Variants in CCDC141 observed in about 807,000 individuals in gnomAD.
The protein encoded by CCDC141 is coiled-coil domain-containing protein 141.
In CCDC141, 168 loss-of-function variants were observed where a neutral mutation model predicts 181.0. That is an observed-to-expected ratio of 0.93 (90% CI 0.82 to 1.05). The LOEUF (loss-of-function observed/expected upper bound fraction) is 1.05, where lower values mean the gene tolerates loss of function less well. Ranked by LOEUF, CCDC141 falls within the 50% of genes least tolerant of loss-of-function variation. The pLI is 0.00. For synonymous variants in CCDC141, 666 were observed against 642.3 expected (o/e 1.04, Z -0.56); for missense variants, 1,902 against 1,788.5 (o/e 1.06, Z -1.14).
In CCDC141 at chr2:178,853,430, A is replaced by C; in HGVS notation, c.3244+11T>G. 1 of 1,612,250 alleles carries C rather than the reference A, an allele frequency of 6.2e-7. No homozygotes were observed. The highest frequency in any genetic ancestry group is 8.5e-7 in the Non-Finnish European group (1 of 1,179,016). ...ATGGCCAATCACTGGATATCTTAAA[A>C]GAGATCTCACCATATAAGTGCTGAG... On this transcript the variant is annotated intron_variant, in intron 20 of 23. Coordinates refer to ENST00000443758, the MANE Select transcript of CCDC141 (RefSeq NM_173648.4).
At chr2:178,941,591 T>C (rs1689512889) in intron 6 of CCDC141, among the ~76,000 whole-genome samples, 2 of 151,974 alleles carry the variant, frequency 1.3e-5, no homozygotes, top group African/African-American at 4.8e-5. Flanking sequence ...AAATCTTACA[T>C]TGGAAAGAAT....
chr2:179,037,163 A>G (rs2043167195), intron 2 of CCDC141, among the ~76,000 whole-genome samples: 1 of 152,226 alleles, frequency 6.6e-6, no homozygotes, highest in African/African-American at 2.4e-5. Context: ...CCCATAGTTC[A>G]GTGGATCTGT....
rs369934325 is a variant in CCDC141, at chr2:178,980,311, C to T, written c.226-1636G>A. On this transcript the variant is annotated intron_variant, in intron 2 of 23. Transcript: ENST00000443758. Reference sequence around the variant, plus strand: ...ACAAATCCAAAAAAATTAGCTGGGCCTGGTGGTGGGCGCCTGTAGTCCCAG... The same window carrying T: ...ACAAATCCAAAAAAATTAGCTGGGCTTGGTGGTGGGCGCCTGTAGTCCCAG... 2.6e-4 allele frequency among the ~76,000 whole-genome samples: 39 copies of T among 151,932 alleles called. No homozygotes were observed. In the South Asian group the frequency reaches 7.7e-3, roughly 30 times the overall value.
At chr2:178,945,757 A>C (rs146371347) in intron 5 of CCDC141, among the ~76,000 whole-genome samples, 1 of 152,076 alleles carries the variant, frequency 6.6e-6, no homozygotes, top group Non-Finnish European at 1.5e-5. Flanking sequence ...TTTCTCTGAA[A>C]TCCTATAACA....
chr2:179,047,224 T>C, intron 2 of CCDC141, 60 bp downstream of exon 2: 5 of 1,435,152 alleles, frequency 3.5e-6, no homozygotes, highest in Non-Finnish European at 3.7e-6. Flanking sequence ...TCAAGAAGTA[T>C]AAGAAATAGT....
At chr2:178,853,045 GTCT>G (rs1685231834) in intron 20 of CCDC141, among the ~76,000 whole-genome samples, 1 of 152,184 alleles carries the variant, frequency 6.6e-6, no homozygotes. Flanking sequence ...TTAGCTTTAT[GTCT>G]TCTTAAAGTA....
At chr2:179,011,533 T>C (rs2042269806) in intron 2 of CCDC141, among the ~76,000 whole-genome samples, 1 of 152,086 alleles carries the variant, frequency 6.6e-6, no homozygotes, top group Non-Finnish European at 1.5e-5. Flanking sequence ...GGGACTTCAA[T>C]ACCCCACTGA....
At chr2:178,835,221 C>G (rs543053860) in intron 23 of CCDC141, among the ~76,000 whole-genome samples, 1 of 152,296 alleles carries the variant, frequency 6.6e-6, no homozygotes, top group African/African-American at 2.4e-5. Context: ...CAGGACAATA[C>G]AGATGTGCTG....
intron 2 of CCDC141, among the ~76,000 whole-genome samples, chr2:179,004,918 G>T (rs986966037): frequency 6.6e-6 from 1 of 152,260 alleles, no homozygotes; most frequent in African/African-American, 2.4e-5. Context: ...TTTTTGGGGA[G>T]ATGGGGTTTT....
chr2:179,015,093 T>TTATATATATAATCATATATATATATAC (rs2042407912), intron 2 of CCDC141, among the ~76,000 whole-genome samples: 1 of 41,994 alleles, frequency 2.4e-5, no homozygotes, highest in African/African-American at 7.6e-5. Context: ...TATATATATA[T>TTATATATATAATCATATATATATATAC]ATATATATAT....
rs1561613832 is a variant in CCDC141, at chr2:178,831,856, C to T, written c.*2317G>A. The T allele has an allele frequency of 6.6e-6, 1 of 152,158 alleles. No individual in the cohort carries two copies. The allele number at this position is 152,158 out of a possible 1,614,324, so 9.4% of individuals were successfully genotyped here. A position where few individuals can be genotyped will look rare whatever the true frequency, so the allele number is the denominator to read the frequency against. On this transcript the variant is annotated 3_prime_UTR_variant, in exon 24 of 24. Coordinates refer to ENST00000443758, the MANE Select transcript of CCDC141 (RefSeq NM_173648.4). ...GTACTCTTCTGATCTTTGTGCTCCC[C>T]CACCCCCACCTTTCTCTTTCTCTCT...
intron 2 of CCDC141, among the ~76,000 whole-genome samples, chr2:179,031,401 C>G (rs1214634037): frequency 1.3e-5 from 2 of 151,922 alleles, no homozygotes; most frequent in African/African-American, 4.8e-5. Context: ...TTTCCTTTCT[C>G]AGTCTGGCTG....
chr2:179,036,582 A>G (rs922262646), intron 2 of CCDC141, among the ~76,000 whole-genome samples: 1 of 152,216 alleles, frequency 6.6e-6, no homozygotes, highest in Non-Finnish European at 1.5e-5. Context: ...CGAGGCAGGG[A>G]AAGTCACCAG....
intron 12 of CCDC141, chr2:178,877,132 G>A (rs1400322196): frequency 1.3e-5 from 2 of 152,074 alleles, no homozygotes; most frequent in Non-Finnish European, 1.5e-5. Context: ...GAGAAGGGGG[G>A]ATCAGCATAG....
chr2:178,869,315 T>A lies in CCDC141; in HGVS notation c.2206-10A>T. The A allele has an allele frequency of 6.4e-7, 1 of 1,564,020 alleles. No individual in the cohort carries two copies. The highest frequency in any genetic ancestry group is 8.6e-7 in the Non-Finnish European group (1 of 1,161,884). On this transcript the variant is annotated splice_polypyrimidine_tract_variant and intron_variant, in intron 14 of 23. Coordinates refer to ENST00000443758, the MANE Select transcript of CCDC141 (RefSeq NM_173648.4). The stretch of plus-strand genomic sequence containing the variant: ...CCTCATCATTCAATTGCTAAAACAT[T>A]GAAAGCAATAAAAAAATCTTGCTAT...
At chr2:178,914,609 G>A (rs555493877) in intron 7 of CCDC141, among the ~76,000 whole-genome samples, 1 of 152,298 alleles carries the variant, frequency 6.6e-6, no homozygotes, top group South Asian at 2.1e-4. Flanking sequence ...CAAAGGCAGT[G>A]GGGGAACTGT....
chr2:178,881,915 TCACACACACACACA>T (rs55791403), intron 11 of CCDC141, among the ~76,000 whole-genome samples: 12 of 92,338 alleles, frequency 1.3e-4, no homozygotes, highest in African/African-American at 3.1e-4. Flanking sequence ...TCTCTCTCTC[TCACACACACACACA>T]CACACACACA....
intron 23 of CCDC141, 163 bp downstream of exon 23, chr2:178,836,731 A>G: frequency 1.4e-6 from 1 of 694,820 alleles, no homozygotes; most frequent in South Asian, 2.1e-5. Flanking sequence ...CTATGCTGCT[A>G]CTAAAATGAG....
chr2:179,029,999 A>G (rs1206017452), intron 2 of CCDC141, among the ~76,000 whole-genome samples: 3 of 152,150 alleles, frequency 2.0e-5, no homozygotes, highest in African/African-American at 7.2e-5. Flanking sequence ...TCCCATTTGT[A>G]TATGTAATAT....
Sources: gnomAD v4.1 joint callset for allele counts (sites outside exome capture counted in the v4.1 genomes callset) on GRCh38, gnomAD v4.1.1 for gene constraint, MANE v1.5 for transcripts, NCBI Gene and HGNC (gene_info 2026-07-23, HGNC 2026-07-21) for gene names.